ESR1: variants seen among roughly 807,000 people sequenced by gnomAD.
ESR1 encodes estrogen receptor.
Under a neutral mutation model 52.7 loss-of-function variants are expected in ESR1, and 12 were observed. That is an observed-to-expected ratio of 0.23 (90% CI 0.15 to 0.37). The LOEUF (loss-of-function observed/expected upper bound fraction) is 0.37. Ranked by LOEUF, ESR1 falls within the 10% of genes least tolerant of loss-of-function variation. ESR1 has a pLI of 1.00. For missense variants in ESR1, 584 were observed against 779.7 expected, an observed-to-expected ratio of 0.75 and a Z score of 2.99; for synonymous variants, 305 against 316.8, an observed-to-expected ratio of 0.96 and a Z score of 0.39.
chr6:152,127,512 G>A (rs531171790), exon 7 of ESR1: 10 of 152,196 alleles, frequency 6.6e-5, no homozygotes, highest in African/African-American at 1.2e-4. Flanking sequence ...GGCTGGATTC[G>A]GCCTTTTCTC....
chr6:151,923,078 C>T (rs1418359540), intron 3 of ESR1, among the ~76,000 whole-genome samples: 1 of 152,098 alleles, frequency 6.6e-6, no homozygotes, highest in Admixed American at 6.6e-5. Context: ...TTAATCTGTA[C>T]TCATGTACGA....
rs116643454 is a variant in ESR1, at chr6:151,922,646, C to T, written c.761-21527C>T. ...TACTTTCTGTCACTACAAGATAGTT[C>T]AGACTTATCTTCTGTATTTTTTGCC... On this transcript the variant is annotated intron_variant, in intron 3 of 7. Transcript: ENST00000206249. Among the ~76,000 whole-genome samples the T allele has an allele frequency of 7.4e-3, 1,126 of 152,148 alleles. 15 individuals carry two copies. The highest frequency in any genetic ancestry group is 0.026 in the African/African-American group (1,085 of 41,522).
At chr6:151,925,888 A>T (rs2032651659) in intron 3 of ESR1, among the ~76,000 whole-genome samples, 1 of 152,048 alleles carries the variant, frequency 6.6e-6, no homozygotes, top group South Asian at 2.1e-4. Flanking sequence ...ATTCAATATC[A>T]TATAGAATTT....
intron 1 of ESR1, among the ~76,000 whole-genome samples, chr6:151,812,913 T>G (rs530233405): frequency 6.6e-6 from 1 of 152,174 alleles, no homozygotes; most frequent in East Asian, 1.9e-4. Context: ...ACCAAAGTTA[T>G]TGAGGGGTTT....
rs2040815398 is a variant in ESR1 at position 151,989,461 on chromosome 6, TTA to T, written c.1097-22194_1097-22193del. 2.6e-5 allele frequency among the ~76,000 whole-genome samples: 4 copies of T among 151,810 alleles called. 1 individual carries two copies. The highest frequency in any genetic ancestry group is 9.7e-5 in the African/African-American group (4 of 41,134). On this transcript the variant is annotated intron_variant, in intron 4 of 7. Transcript: ENST00000206249. ...TATAGTTACCTCTGAACCTAAAAAA[TTA>T]ACTTCAAAAGTATTTAAAAAAATCA... is the stretch of plus-strand genomic sequence containing the variant.
At chr6:151,731,216 C>T (rs927713103) in intron 2 of ESR1, among the ~76,000 whole-genome samples, 13 of 151,942 alleles carry the variant, frequency 8.6e-5, no homozygotes, top group Admixed American at 4.6e-4. Context: ...ATTAGCTGGG[C>T]GTGGTGGTGC....
chr6:152,003,882 A>G (rs185608799), intron 4 of ESR1, among the ~76,000 whole-genome samples: 1 of 152,066 alleles, frequency 6.6e-6, no homozygotes, highest in African/African-American at 2.4e-5. Context: ...TTGAAAAAAT[A>G]TACATATTTA....
chr6:152,084,894 A>G (rs1215843961), intron 6 of ESR1, among the ~76,000 whole-genome samples: 1 of 152,174 alleles, frequency 6.6e-6, no homozygotes, highest in Admixed American at 6.5e-5. Flanking sequence ...TTTGATAATC[A>G]CCTTGGTGGT....
intron 6 of ESR1, among the ~76,000 whole-genome samples, chr6:152,085,343 GA>G (rs2049617748): frequency 1.3e-5 from 2 of 151,588 alleles, no homozygotes; most frequent in African/African-American, 2.4e-5. Flanking sequence ...AAAACAAAAA[GA>G]AAAAAAGATG....
At chr6:152,072,025 T>G (rs9479191) in intron 6 of ESR1, among the ~76,000 whole-genome samples, 31,115 of 152,078 alleles carry the variant, frequency 0.2, 4,367 homozygotes, top group African/African-American at 0.38. Flanking sequence ...GAATGTAACC[T>G]TATCATGCAA....
At position 151,677,558 on chromosome 6, in the gene ESR1, G is replaced by A. The variant is rs994977267; in HGVS notation, n.73+20795G>A. Among the ~76,000 whole-genome samples, 6 of 152,152 alleles carry A rather than the reference G, an allele frequency of 3.9e-5. No homozygotes were observed. In the South Asian group the frequency reaches 6.2e-4, roughly 16 times the overall value. On this transcript the variant is annotated intron_variant and non_coding_transcript_variant, in intron 1 of 2. Transcript: ENST00000473497. Reference sequence around the variant, plus strand: ...TTCACTCAGTTTGCATTGTTCTGTCGCATTGTTTGTAAATCTTTTGAGTGA... The same window carrying A: ...TTCACTCAGTTTGCATTGTTCTGTCACATTGTTTGTAAATCTTTTGAGTGA...
At chr6:151,896,663 A>G (rs779599616) in intron 3 of ESR1, among the ~76,000 whole-genome samples, 1 of 141,722 alleles carries the variant, frequency 7.1e-6, no homozygotes, top group Non-Finnish European at 1.6e-5. Flanking sequence ...TATCTTTTGT[A>G]TTTTTTTTTC....
chr6:151,918,904 C>A (rs556724966), intron 3 of ESR1, among the ~76,000 whole-genome samples: 1 of 152,208 alleles, frequency 6.6e-6, no homozygotes, highest in African/African-American at 2.4e-5. Flanking sequence ...AAAGACTGAT[C>A]CTAACTTATT....
At chr6:152,065,146 A>C (rs2047865524) in intron 6 of ESR1, among the ~76,000 whole-genome samples, 2 of 152,082 alleles carry the variant, frequency 1.3e-5, no homozygotes, top group Non-Finnish European at 1.5e-5. Flanking sequence ...AAAAGTGGGG[A>C]CTCCAGGGTA....
intron 3 of ESR1, among the ~76,000 whole-genome samples, chr6:151,928,092 T>A (rs1405696685): frequency 1.3e-5 from 2 of 152,182 alleles, no homozygotes; most frequent in Admixed American, 6.5e-5. Flanking sequence ...CCAGTTTTTG[T>A]TTCACTGAGT....
intron 2 of ESR1, among the ~76,000 whole-genome samples, chr6:151,752,794 T>C (rs992809228): frequency 6.6e-6 from 1 of 152,258 alleles, no homozygotes; most frequent in Non-Finnish European, 1.5e-5. Context: ...GTATGATGTT[T>C]CTTTCTCTGA....
At chr6:151,951,026 G>A (rs917929450) in intron 4 of ESR1, among the ~76,000 whole-genome samples, 1 of 151,876 alleles carries the variant, frequency 6.6e-6, no homozygotes. Flanking sequence ...GTAGTTCACT[G>A]AACAGGCTTA....
intron 2 of ESR1, among the ~76,000 whole-genome samples, chr6:151,753,251 T>C (rs376090329): frequency 1.3e-5 from 2 of 152,112 alleles, no homozygotes; most frequent in African/African-American, 4.8e-5. Context: ...ACAATTTCTA[T>C]ATACACAAAC....
At chr6:151,675,213 C>T (rs1778210510) in intron 1 of ESR1, among the ~76,000 whole-genome samples, 1 of 152,164 alleles carries the variant, frequency 6.6e-6, no homozygotes, top group Non-Finnish European at 1.5e-5. Flanking sequence ...GTTTAGAAAA[C>T]ATTACTAATT....
Sources: allele counts gnomAD v4.1 joint callset (sites outside exome capture counted in the v4.1 genomes callset), GRCh38; gene constraint gnomAD v4.1.1; transcripts MANE v1.5; gene names NCBI Gene and HGNC (gene_info 2026-07-23, HGNC 2026-07-21).